Variants in DISP1 observed in about 807,000 individuals in gnomAD.
DISP1 encodes the protein dispatched RND transporter family member 1, also known as protein dispatched homolog 1.
DISP1 carries 30 observed loss-of-function variants against 37.3 expected under a neutral mutation model. That is an observed-to-expected ratio of 0.80 (90% CI 0.60 to 1.09). The LOEUF is 1.09. Among genes scored for constraint, DISP1 ranks in the 50% least tolerant of loss-of-function variants. The pLI, the probability that DISP1 is intolerant of heterozygous loss-of-function variation, is 0.00. For synonymous variants in DISP1, 634 were observed against 690.2 expected (o/e 0.92, Z 1.28); for missense variants, 1,598 against 1,879.5 (o/e 0.85, Z 2.77).
intron 1 of DISP1, among the ~76,000 whole-genome samples, chr1:222,843,306 T>G (rs897368354): frequency 1.3e-5 from 2 of 152,224 alleles, no homozygotes; most frequent in Non-Finnish European, 2.9e-5. Context: ...GACTTGTAAT[T>G]AGTTCAGTTG....
chr1:222,896,022 C>T (rs763699585), intron 1 of DISP1, among the ~76,000 whole-genome samples: 28 of 152,194 alleles, frequency 1.8e-4, no homozygotes, highest in Admixed American at 6.5e-5. Context: ...AATGAAAAAG[C>T]GAGGCTACAA....
chr1:222,929,364 A>G (rs1328290678), intron 2 of DISP1, among the ~76,000 whole-genome samples: 2 of 152,190 alleles, frequency 1.3e-5, no homozygotes, highest in Admixed American at 1.3e-4. Context: ...TGTTTGGTGT[A>G]AAATATACAT....
At chr1:222,959,521 A>G (rs1250875684) in intron 3 of DISP1, among the ~76,000 whole-genome samples, 1 of 151,900 alleles carries the variant, frequency 6.6e-6, no homozygotes, top group Non-Finnish European at 1.5e-5. Flanking sequence ...ACCAACATGG[A>G]GAAACCCCGT....
chr1:222,879,611 C>T (rs1670162624), intron 1 of DISP1, among the ~76,000 whole-genome samples: 1 of 151,644 alleles, frequency 6.6e-6, no homozygotes, highest in South Asian at 2.1e-4. Context: ...TAAGACAAAA[C>T]ATAAATAAAA....
chr1:222,963,592 G>A (rs751415858), intron 3 of DISP1, among the ~76,000 whole-genome samples: 2 of 152,142 alleles, frequency 1.3e-5, no homozygotes, highest in Admixed American at 6.5e-5. Context: ...GCCATTATAA[G>A]GAACAAGATC....
At chr1:222,903,276 C>T (rs1671708991) in intron 1 of DISP1, among the ~76,000 whole-genome samples, 1 of 123,924 alleles carries the variant, frequency 8.1e-6, no homozygotes, top group Non-Finnish European at 1.6e-5. Context: ...GGAAGGGGAA[C>T]ATCACACTCC....
chr1:222,992,878 T>TTTTTTTTTTTTTG (rs1678803004), intron 7 of DISP1, among the ~76,000 whole-genome samples: 1 of 149,576 alleles, frequency 6.7e-6, no homozygotes, highest in African/African-American at 2.5e-5. Context: ...TTTTTTTTTT[T>TTTTTTTTTTTTTG]GAGACAGAGT....
intron 1 of DISP1, among the ~76,000 whole-genome samples, chr1:222,879,734 AT>A (rs1670170288): frequency 6.6e-6 from 1 of 152,134 alleles, no homozygotes; most frequent in African/African-American, 2.4e-5. Context: ...CAAAGTCTTA[AT>A]GGGCAAAAAG....
At chr1:222,983,736 C>T (rs895651603) in intron 4 of DISP1, among the ~76,000 whole-genome samples, 4 of 152,266 alleles carry the variant, frequency 2.6e-5, no homozygotes, top group African/African-American at 4.8e-5. Flanking sequence ...TACCATGACT[C>T]GAATTCATGG....
Position 222,861,036 on chromosome 1 carries a change from A to G in DISP1, c.-159+45958A>G, listed in dbSNP as rs1380507662. ...TTATTTAATGGCACCAGGCCACATC[A>G]TTTTCTATATTAAGGCCATACTTAT... On this transcript the variant is annotated intron_variant, in intron 1 of 8. Transcript: ENST00000675850. Among the ~76,000 whole-genome samples the G allele has an allele frequency of 2.0e-5, 3 of 152,274 alleles. No individual in the cohort carries two copies. The East Asian group carries it at 5.8e-4, about 29-fold the overall frequency.
intron 2 of DISP1, among the ~76,000 whole-genome samples, chr1:222,930,312 GA>G (rs1673318807): frequency 6.6e-6 from 1 of 151,826 alleles, no homozygotes; most frequent in African/African-American, 2.4e-5. Context: ...TCCTATTTTT[GA>G]AAAAATACAA....
chr1:222,981,032 C>T (rs1338271888), intron 3 of DISP1, among the ~76,000 whole-genome samples: 6 of 152,192 alleles, frequency 3.9e-5, no homozygotes, highest in South Asian at 2.1e-4. Context: ...GAGCCGAGAT[C>T]GTGCCACTGC....
At chr1:222,927,850 G>A (rs1673174290) in intron 1 of DISP1, among the ~76,000 whole-genome samples, 1 of 152,154 alleles carries the variant, frequency 6.6e-6, no homozygotes, top group Admixed American at 6.5e-5. Context: ...TTAACAAACT[G>A]CTGTTTTTGT....
intron 3 of DISP1, among the ~76,000 whole-genome samples, chr1:222,961,184 C>CAAT (rs1445367321): frequency 6.6e-6 from 1 of 152,144 alleles, no homozygotes; most frequent in African/African-American, 2.4e-5. Context: ...AACTTCAAGC[C>CAAT]AATATCCCTG....
intron 3 of DISP1, among the ~76,000 whole-genome samples, chr1:222,964,375 G>C (rs1676306697): frequency 6.6e-6 from 1 of 151,944 alleles, no homozygotes; most frequent in East Asian, 1.9e-4. Flanking sequence ...AAGTTTAAGT[G>C]TGTCTGATTC....
chr1:222,836,968 G>C (rs1001435917), intron 1 of DISP1: 9 of 397,882 alleles, frequency 2.3e-5, no homozygotes, highest in African/African-American at 1.9e-4. Context: ...ATATACTCCA[G>C]TAGCCATTCT....
intron 1 of DISP1, among the ~76,000 whole-genome samples, chr1:222,874,518 A>G (rs1039704748): frequency 6.6e-6 from 1 of 152,092 alleles, no homozygotes; most frequent in Admixed American, 6.5e-5. Context: ...TTCGTCTTCC[A>G]TCACTGATAC....
chr1:222,821,919 GCT>G (rs886089738), intron 1 of DISP1, among the ~76,000 whole-genome samples: 4 of 149,770 alleles, frequency 2.7e-5, no homozygotes, highest in Non-Finnish European at 5.9e-5. Context: ...TTTTCCCTGA[GCT>G]CTCTCTCTTT....
At chr1:222,910,033 G>T (rs1473558636) in intron 1 of DISP1, among the ~76,000 whole-genome samples, 1 of 152,160 alleles carries the variant, frequency 6.6e-6, no homozygotes, top group Admixed American at 6.5e-5. Flanking sequence ...TTGCCTGCTG[G>T]TTCTGTAATA....
Sources: gnomAD v4.1 joint callset for allele counts (sites outside exome capture counted in the v4.1 genomes callset) on GRCh38, gnomAD v4.1.1 for gene constraint, MANE v1.5 for transcripts, NCBI Gene and HGNC (gene_info 2026-07-23, HGNC 2026-07-21) for gene names.